TBXAS1: variants seen among roughly 807,000 people sequenced by gnomAD.
TBXAS1 encodes the protein thromboxane-A synthase.
TBXAS1 carries 48 observed loss-of-function variants against 60.7 expected under a neutral mutation model. That is an observed-to-expected ratio of 0.79 (90% CI 0.63 to 1.01). The LOEUF (loss-of-function observed/expected upper bound fraction) is 1.01, where lower values mean the gene tolerates loss of function less well. Among genes scored for constraint, TBXAS1 ranks in the 50% least tolerant of loss-of-function variants. TBXAS1 has a pLI of 0.00. For missense variants in TBXAS1, 685 were observed against 686.3 expected (o/e 1.00, Z 0.02); for synonymous variants, 287 against 269.7 (o/e 1.06, Z -0.63).
intron 3 of TBXAS1, among the ~76,000 whole-genome samples, chr7:139,909,694 T>C (rs993427461): frequency 2.6e-5 from 4 of 152,190 alleles, no homozygotes; most frequent in Non-Finnish European, 5.9e-5. Flanking sequence ...ATCATTTGGG[T>C]TTATGAAAAG....
intron 4 of TBXAS1, among the ~76,000 whole-genome samples, chr7:139,817,230 G>A (rs115674446): frequency 0.017 from 2,603 of 151,114 alleles, 75 homozygotes; most frequent in African/African-American, 0.059. Flanking sequence ...CCCATCAGCT[G>A]TCTTTCTCGA....
chr7:139,974,872 T>C (rs41715), intron 9 of TBXAS1, among the ~76,000 whole-genome samples: 100,500 of 152,082 alleles, frequency 0.66, 33,508 homozygotes, highest in Non-Finnish European at 0.71. Flanking sequence ...CTGTATGAAG[T>C]GGGAGTTATC....
intron 1 of TBXAS1, among the ~76,000 whole-genome samples, chr7:139,856,995 T>A (rs1005353669): frequency 6.6e-6 from 1 of 151,680 alleles, no homozygotes; most frequent in Non-Finnish European, 1.5e-5. Context: ...GAGGGAGGGG[T>A]AGAAGGAGTG....
chr7:139,951,961 A>G (rs1424285450), intron 5 of TBXAS1, among the ~76,000 whole-genome samples: 10 of 124,302 alleles, frequency 8.0e-5, no homozygotes, highest in South Asian at 2.6e-4. Context: ...AAAGAAAGAA[A>G]GAAAGAAAGA....
chr7:139,955,591 T>C lies in TBXAS1; in HGVS notation c.672T>C (p.Pro224=). The C allele has an allele frequency of 6.2e-7, 1 of 1,614,202 alleles. No individual in the cohort carries two copies. The change falls in exon 7 of 13, where the codon CCT becomes CCC. Residue 224 remains proline (P), a synonymous_variant. Coordinates refer to ENST00000448866, the MANE Select transcript of TBXAS1 (RefSeq NM_001061.7). ...KRFFEFCIPR[P]ILVLLLSFPS... is the part of the protein sequence containing the mutation. Reference sequence around the variant, plus strand: ...TCTTCGAATTCTGCATCCCCAGACCTATCCTGGTTTTACTCTGTAAGTGCG... The same window carrying C: ...TCTTCGAATTCTGCATCCCCAGACCCATCCTGGTTTTACTCTGTAAGTGCG...
At chr7:139,957,836 T>C in intron 8 of TBXAS1, 72 bp downstream of exon 8, 2 of 1,600,652 alleles carry the variant, frequency 1.2e-6, no homozygotes, top group Non-Finnish European at 1.7e-6. Context: ...CTCTGCTCTT[T>C]CTCTTCCCTC....
intron 9 of TBXAS1, among the ~76,000 whole-genome samples, chr7:139,964,812 C>T (rs1810654084): frequency 6.6e-6 from 1 of 152,232 alleles, no homozygotes; most frequent in African/African-American, 2.4e-5. Flanking sequence ...ATAATCAGGT[C>T]TAGAATGTGT....
Position 139,793,416 on chromosome 7 carries a change from T to TA in TBXAS1, c.-80+6001dup, listed in dbSNP as rs374676463. 6.9e-4 allele frequency among the ~76,000 whole-genome samples: 100 copies of TA among 145,508 alleles called. 1 individual carries two copies. Among genetic ancestry groups the TA allele is most frequent in the Admixed American group, 2.4e-3 (35 of 14,534 alleles). ...CCTGGATGACAGAGCGAGAATCCAT[T>TA]AAAAAAAAAAAGTATTTATTGAACA... On this transcript the variant is annotated intron_variant, in intron 4 of 16. Transcript: ENST00000336425.
intron 4 of TBXAS1, among the ~76,000 whole-genome samples, chr7:139,929,925 A>T (rs960767599): frequency 2.0e-5 from 3 of 152,108 alleles, no homozygotes; most frequent in African/African-American, 7.2e-5. Flanking sequence ...ATTCTTTAAA[A>T]CAGAAGTCAG....
rs1807790972 is a variant in TBXAS1, at chr7:139,936,355, T to C, written c.450+48T>C. ...TCTCTTCTCTTACGGAGCAGGTTTC[T>C]TCTCTCCAAATCGTGATGAGAGCCA... On this transcript the variant is annotated intron_variant, in intron 5 of 12. Coordinates refer to ENST00000448866, the MANE Select transcript of TBXAS1 (RefSeq NM_001061.7). The C allele has an allele frequency of 5.0e-6, 8 of 1,584,494 alleles. No homozygotes were observed. In the Admixed American group the frequency reaches 1.2e-4, roughly 23 times the overall value.
chr7:139,945,129 G>C (rs1257702362), intron 5 of TBXAS1, among the ~76,000 whole-genome samples: 1 of 152,184 alleles, frequency 6.6e-6, no homozygotes, highest in Non-Finnish European at 1.5e-5. Flanking sequence ...AATGACAAAA[G>C]GCTTTCTTGG....
At chr7:139,868,908 T>C (rs1237487085) in intron 1 of TBXAS1, among the ~76,000 whole-genome samples, 1 of 151,620 alleles carries the variant, frequency 6.6e-6, no homozygotes, top group Non-Finnish European at 1.5e-5. Context: ...CTGCCTTGGC[T>C]CCCCGAAGTG....
intron 11 of TBXAS1, chr7:140,016,728 G>T: frequency 6.4e-6 from 1 of 155,700 alleles, no homozygotes; most frequent in Middle Eastern, 3.2e-3. Context: ...CCCACACTCT[G>T]GTCCTCATCA....
At chr7:140,001,081 G>T (rs977847859) in intron 9 of TBXAS1, among the ~76,000 whole-genome samples, 30 of 152,196 alleles carry the variant, frequency 2.0e-4, no homozygotes, top group African/African-American at 6.5e-4. Flanking sequence ...TGCCTCCCTT[G>T]TGGGACCCAA....
chr7:139,975,605 C>G lies in TBXAS1; in HGVS notation c.1134+13372C>G, dbSNP rs757773988. On this transcript the variant is annotated intron_variant, in intron 9 of 12. Coordinates refer to ENST00000448866, the MANE Select transcript of TBXAS1 (RefSeq NM_001061.7). This position sits in a 1 kb window ranked among gnomAD's most constrained non-coding sequence, Gnocchi z 4.4. ...AGAAAATGCCAGTCATTCAGGAGGA[C>G]AGGGCAGCCCTGTCCTCGCCACAGT... Among the ~76,000 whole-genome samples, 8 of 152,250 alleles carry G rather than the reference C, an allele frequency of 5.3e-5. No individual in the cohort carries two copies. Among genetic ancestry groups the G allele is most frequent in the Middle Eastern group, 3.4e-3 (1 of 294 alleles).
At chr7:140,015,998 A>C in intron 11 of TBXAS1, 138 bp downstream of exon 11, 1 of 1,232,218 alleles carries the variant, frequency 8.1e-7, no homozygotes, top group Non-Finnish European at 1.2e-6. Context: ...CAATTCAGAT[A>C]GATGTTTGCA....
chr7:139,991,743 T>C lies in TBXAS1; in HGVS notation c.1135-15348T>C, dbSNP rs1364471712. 2.0e-5 allele frequency among the ~76,000 whole-genome samples: 3 copies of C among 152,228 alleles called. No homozygotes were observed. The East Asian group carries it at 5.8e-4, about 29-fold the overall frequency. The stretch of plus-strand genomic sequence containing the variant: ...GGCCATAATCACCCTTTTGGGGTTT[T>C]GTCCCACATTAGAAGAGCAGCCCCA... On this transcript the variant is annotated intron_variant, in intron 9 of 12. Transcript: ENST00000448866.
At chr7:139,832,777 C>T (rs896372573) in intron 1 of TBXAS1, among the ~76,000 whole-genome samples, 2 of 152,356 alleles carry the variant, frequency 1.3e-5, no homozygotes, top group Middle Eastern at 3.4e-3. Flanking sequence ...TGAAACCCTA[C>T]AAGCTAGAAG....
chr7:139,843,080 C>T (rs1012835909), intron 1 of TBXAS1, among the ~76,000 whole-genome samples: 1 of 152,196 alleles, frequency 6.6e-6, no homozygotes, highest in Non-Finnish European at 1.5e-5. Flanking sequence ...CTAAAGTCCT[C>T]GCATGTGCTT....
Sources: allele counts gnomAD v4.1 joint callset (sites outside exome capture counted in the v4.1 genomes callset), GRCh38; gene constraint gnomAD v4.1.1; non-coding constraint Gnocchi (gnomAD v3.1); transcripts MANE v1.5; gene names NCBI Gene and HGNC (gene_info 2026-07-23, HGNC 2026-07-21).